ARG2: variants seen among roughly 807,000 people sequenced by gnomAD.
The protein encoded by ARG2 is arginase-2, mitochondrial.
A neutral mutation model predicts 39.4 loss-of-function variants in ARG2; 21 were observed. That is an observed-to-expected ratio of 0.53 (90% CI 0.38 to 0.77). ARG2 has a LOEUF of 0.77. Among genes scored for constraint, ARG2 ranks in the 30% least tolerant of loss-of-function variants. The pLI is 0.00. For missense variants in ARG2, 378 were observed against 426.2 expected, an observed-to-expected ratio of 0.89 and a Z score of 1.00; for synonymous variants, 150 against 156.7, an observed-to-expected ratio of 0.96 and a Z score of 0.32.
chr14:67,623,534 CTTTTTTTTTTT>C lies in ARG2; in HGVS notation c.184+2584_184+2594del, dbSNP rs60604937. Among the ~76,000 whole-genome samples the C allele has an allele frequency of 7.4e-4, 61 of 82,948 alleles. 1 individual carries two copies. The highest frequency in any genetic ancestry group is 2.6e-3 in the African/African-American group (54 of 20,504). The allele number at this position is 82,948 out of a possible 152,430, so 54.4% of individuals were successfully genotyped here. A position where few individuals can be genotyped will look rare whatever the true frequency, so the allele number is the denominator to read the frequency against. On this transcript the variant is annotated intron_variant, in intron 2 of 7. Transcript: ENST00000261783. ...ACACTCAACAGTACTCTCAGGTAAC[CTTTTTTTTTTT>C]TTTTTTTTTTTTTTTGAGACGGAGT...
rs869215946 is a variant in ARG2 at position 67,642,793 on chromosome 14, C to CTTTTTTTTT, written c.362+449_362+457dup. On this transcript the variant is annotated intron_variant, in intron 3 of 7. Transcript: ENST00000261783. Reference sequence around the variant, plus strand: ...CCCCTTTGGCATGTTACTACATTTTCTTTTTTTTTTTTTTTTTTTTTTTTT... The same window carrying CTTTTTTTTT: ...CCCCTTTGGCATGTTACTACATTTTCTTTTTTTTTTTTTTTTTTTTTTTTTTTTTTTTTT... 9.2e-3 allele frequency among the ~76,000 whole-genome samples: 694 copies of CTTTTTTTTT among 75,548 alleles called. 179 individuals carry two copies. The highest frequency in any genetic ancestry group is 0.054 in the Middle Eastern group (4 of 74). 49.6% of individuals were successfully genotyped at this position (75,548 alleles called of 152,430 possible).
intron 2 of ARG2, among the ~76,000 whole-genome samples, chr14:67,641,481 C>T (rs1429238175): frequency 6.6e-6 from 1 of 152,192 alleles, no homozygotes; most frequent in East Asian, 1.9e-4. Flanking sequence ...GTTTCCTCAT[C>T]CACCAAATAG....
In ARG2 at chr14:67,630,496, C is replaced by T. The variant is rs771926619; in HGVS notation, c.184+9530C>T. ...CTTCCCAAGAAGTTGCTGCGGGACA[C>T]GGTTCTGCTTATCCTATTGTCCAGA... On this transcript the variant is annotated intron_variant, in intron 2 of 7. Transcript: ENST00000261783. Among the ~76,000 whole-genome samples, 9 of 152,316 alleles carry T rather than the reference C, an allele frequency of 5.9e-5. 1 individual carries two copies. The highest frequency in any genetic ancestry group is 1.9e-4 in the East Asian group (1 of 5,182).
chr14:67,625,542 T>C (rs761329593), intron 2 of ARG2, among the ~76,000 whole-genome samples: 14 of 151,314 alleles, frequency 9.3e-5, no homozygotes, highest in Non-Finnish European at 1.8e-4. Context: ...TAGCCGGGCA[T>C]GGTGGTGCAT....
intron 2 of ARG2, among the ~76,000 whole-genome samples, chr14:67,622,309 G>C (rs1334754832): frequency 6.6e-6 from 1 of 152,164 alleles, no homozygotes; most frequent in Non-Finnish European, 1.5e-5. Context: ...ACTCTTCTCT[G>C]CTGGTCATAA....
chr14:67,649,272 A>G (rs1366310484), intron 7 of ARG2: 1 of 152,174 alleles, frequency 6.6e-6, no homozygotes, highest in Non-Finnish European at 1.5e-5. Flanking sequence ...CTATAATCCC[A>G]GTACTCTGGG....
At chr14:67,636,838 C>A (rs1453193537) in intron 2 of ARG2, among the ~76,000 whole-genome samples, 2 of 152,178 alleles carry the variant, frequency 1.3e-5, no homozygotes, top group African/African-American at 2.4e-5. Flanking sequence ...ATGAGAACTT[C>A]CTTGAAATTT....
intron 2 of ARG2, among the ~76,000 whole-genome samples, chr14:67,629,434 A>C (rs2036897128): frequency 1.3e-5 from 2 of 152,264 alleles, no homozygotes; most frequent in Non-Finnish European, 1.5e-5. Context: ...CAGTGACAAA[A>C]GGACAAATAC....
chr14:67,640,885 C>T (rs747539147), intron 2 of ARG2, among the ~76,000 whole-genome samples: 10 of 152,154 alleles, frequency 6.6e-5, no homozygotes, highest in African/African-American at 9.7e-5. Context: ...AGAGGTTGAG[C>T]GTCCCTAATC....
chr14:67,624,447 T>C (rs2036842366), intron 2 of ARG2, among the ~76,000 whole-genome samples: 1 of 152,208 alleles, frequency 6.6e-6, no homozygotes, highest in Non-Finnish European at 1.5e-5. Context: ...CTGCAGGACA[T>C]ACAGGCTTCT....
intron 3 of ARG2, among the ~76,000 whole-genome samples, chr14:67,644,260 C>A (rs2037068263): frequency 6.6e-6 from 1 of 152,154 alleles, no homozygotes; most frequent in Non-Finnish European, 1.5e-5. Flanking sequence ...TGTAGTTTAA[C>A]ATATATTACT....
chr14:67,651,180 T>C lies in ARG2; in HGVS notation c.*260T>C. 4.8e-6 allele frequency: 5 copies of C among 1,032,282 alleles called. No homozygotes were observed. The South Asian group carries it at 8.5e-5, about 18-fold the overall frequency. 63.9% of individuals were successfully genotyped at this position (1,032,282 alleles called of 1,614,324 possible). On this transcript the variant is annotated 3_prime_UTR_variant, in exon 8 of 8. Transcript: ENST00000261783. ...GAAGTCATAAACAGCATTTATTACC[T>C]TGGTATATCATACTGGTCTTGTTGC... is the stretch of plus-strand genomic sequence containing the variant.
chr14:67,622,133 A>G (rs2036816973), intron 2 of ARG2, among the ~76,000 whole-genome samples: 1 of 152,194 alleles, frequency 6.6e-6, no homozygotes. Flanking sequence ...GTTCTTCTTT[A>G]TATCCAATCT....
intron 2 of ARG2, among the ~76,000 whole-genome samples, chr14:67,631,606 TTTA>T (rs2036920060): frequency 6.6e-6 from 1 of 152,008 alleles, no homozygotes; most frequent in Non-Finnish European, 1.5e-5. Flanking sequence ...AGTTAACTTA[TTTA>T]TTTTTAGATA....
Position 67,639,206 on chromosome 14 carries a change from G to T in ARG2, c.185-2980G>T, listed in dbSNP as rs561866867. Reference sequence around the variant, plus strand: ...TTTGTGCAGCTTTTTTCTAATACAAGTGAGTACTGTTTTCTGTCACGTTTA... The same window carrying T: ...TTTGTGCAGCTTTTTTCTAATACAATTGAGTACTGTTTTCTGTCACGTTTA... On this transcript the variant is annotated intron_variant, in intron 2 of 7. Transcript: ENST00000261783. Among the ~76,000 whole-genome samples, 3 of 152,178 alleles carry T rather than the reference G, an allele frequency of 2.0e-5. No individual in the cohort carries two copies. The South Asian group carries it at 6.2e-4, about 31-fold the overall frequency.
rs2036801556 is a variant in ARG2, at chr14:67,620,812, C to A, written c.112-82C>A. The stretch of plus-strand genomic sequence containing the variant: ...ATGCTGTCACAGGTTTTCAGAGGAA[C>A]CTGCTGGGAACTAAATGTACCAAAT... On this transcript the variant is annotated intron_variant, in intron 1 of 7. Coordinates refer to ENST00000261783, the MANE Select transcript of ARG2 (RefSeq NM_001172.4). The A allele has an allele frequency of 5.0e-6, 7 of 1,407,268 alleles. No homozygotes were observed. In the South Asian group the frequency reaches 5.8e-5, roughly 12 times the overall value. 87.2% of individuals were successfully genotyped at this position (1,407,268 alleles called of 1,614,324 possible).
chr14:67,629,413 G>A (rs567409788), intron 2 of ARG2, among the ~76,000 whole-genome samples: 33 of 152,342 alleles, frequency 2.2e-4, no homozygotes, highest in Middle Eastern at 3.4e-3. Context: ...ATTATGCTAA[G>A]TGAAATAAGC....
At chr14:67,630,651 C>A (rs1666859900) in intron 2 of ARG2, among the ~76,000 whole-genome samples, 1 of 152,176 alleles carries the variant, frequency 6.6e-6, no homozygotes, top group South Asian at 2.1e-4. Context: ...GCGATCTTGG[C>A]TCACTGCAAC....
chr14:67,639,949 A>AG (rs386381648), intron 2 of ARG2, among the ~76,000 whole-genome samples: 15 of 143,544 alleles, frequency 1.0e-4, no homozygotes, highest in African/African-American at 3.8e-4. Flanking sequence ...AAAAAAAAAA[A>AG]GTCTGTGCAG....
Sources: gnomAD v4.1 joint callset for allele counts (sites outside exome capture counted in the v4.1 genomes callset) on GRCh38, gnomAD v4.1.1 for gene constraint, MANE v1.5 for transcripts, NCBI Gene and HGNC (gene_info 2026-07-23, HGNC 2026-07-21) for gene names.